RANBP2: variants seen among roughly 807,000 people sequenced by gnomAD.
The protein encoded by RANBP2 is E3 SUMO-protein ligase RanBP2.
In RANBP2, 57 loss-of-function variants were observed where a neutral mutation model predicts 303.6. The observed-to-expected ratio is 0.19, with a 90% CI of 0.15 to 0.23. The LOEUF (loss-of-function observed/expected upper bound fraction) is 0.23. Ranked by LOEUF, RANBP2 falls within the 10% of genes least tolerant of loss-of-function variation. The probability of loss-of-function intolerance (pLI) is 1.00; values close to 1 mark genes in which losing one functional copy is unlikely to be tolerated. For synonymous variants in RANBP2, 1,167 were observed against 1,301.5 expected, an observed-to-expected ratio of 0.90 and a Z score of 2.23; for missense variants, 3,138 against 3,780.8, an observed-to-expected ratio of 0.83 and a Z score of 4.46.
chr2:109,383,926 A>T, the RANBP2 span, among the ~76,000 whole-genome samples: 7 of 152,154 alleles, frequency 4.6e-5, no homozygotes, highest in African/African-American at 1.7e-4. Context: ...AGTGTCTGTT[A>T]GGTAGAAGGT....
chr2:109,189,199 C>A, the RANBP2 span, among the ~76,000 whole-genome samples: 1 of 151,726 alleles, frequency 6.6e-6, no homozygotes, highest in Non-Finnish European at 1.5e-5. Flanking sequence ...CTTCTGATAC[C>A]CCCGAGATAG....
the RANBP2 span, among the ~76,000 whole-genome samples, chr2:109,122,570 C>T: frequency 6.6e-6 from 1 of 152,170 alleles, no homozygotes; most frequent in Non-Finnish European, 1.5e-5. Flanking sequence ...CTAAAGCCCC[C>T]ATCAACACAG....
chr2:109,461,105 T>A, the RANBP2 span, among the ~76,000 whole-genome samples: 1 of 152,238 alleles, frequency 6.6e-6, no homozygotes, highest in Admixed American at 6.5e-5. Context: ...GGCCACTTCC[T>A]CATGTAACTT....
the RANBP2 span, among the ~76,000 whole-genome samples, chr2:109,280,813 C>A: frequency 6.6e-6 from 1 of 152,214 alleles, no homozygotes; most frequent in African/African-American, 2.4e-5. Context: ...TATTGAGCAC[C>A]TGCTGGATAA....
the RANBP2 span, among the ~76,000 whole-genome samples, chr2:109,250,707 A>C: frequency 2.6e-5 from 4 of 151,998 alleles, no homozygotes; most frequent in Admixed American, 2.0e-4. Context: ...ACCTAGAAGC[A>C]AACTACCATA....
the RANBP2 span, among the ~76,000 whole-genome samples, chr2:109,031,588 G>T: frequency 2.0e-5 from 3 of 152,176 alleles, no homozygotes; most frequent in Admixed American, 6.5e-5. Context: ...CCCCACGTGC[G>T]GCGAGGAGGG....
chr2:109,616,347 CAGAA>C, the RANBP2 span: 1 of 270,494 alleles, frequency 3.7e-6, no homozygotes, highest in Non-Finnish European at 7.2e-6. Context: ...ATTGGGGGAA[CAGAA>C]TGAATGAATT....
At chr2:109,271,623 C>G in the RANBP2 span, among the ~76,000 whole-genome samples, 1 of 152,158 alleles carries the variant, frequency 6.6e-6, no homozygotes, top group Non-Finnish European at 1.5e-5. Flanking sequence ...GGGGTGAGGC[C>G]CCGTGTGGTT....
chr2:108,847,484 A>C, the RANBP2 span, among the ~76,000 whole-genome samples: 2,412 of 152,322 alleles, frequency 0.016, 222 homozygotes, highest in Admixed American at 0.14. Context: ...TCCCAAAGAA[A>C]AAACTTGTTT....
chr2:109,004,926 T>C, the RANBP2 span, among the ~76,000 whole-genome samples: 1 of 152,206 alleles, frequency 6.6e-6, no homozygotes, highest in Admixed American at 6.5e-5. Flanking sequence ...TGGGAGAGTC[T>C]CTATTGTCCA....
chr2:109,684,226 G>A, the RANBP2 span, among the ~76,000 whole-genome samples: 189 of 121,342 alleles, frequency 1.6e-3, 3 homozygotes, highest in Non-Finnish European at 6.1e-4. Context: ...ACAGGCGTAA[G>A]CCACCACACC....
the RANBP2 span, among the ~76,000 whole-genome samples, chr2:108,932,549 AAAAG>A: frequency 2.0e-5 from 3 of 151,126 alleles, no homozygotes; most frequent in South Asian, 4.2e-4. Flanking sequence ...AAAAAAAAAA[AAAAG>A]AAAGAAATTA....
the RANBP2 span, among the ~76,000 whole-genome samples, chr2:108,924,117 C>T: frequency 6.6e-6 from 1 of 152,250 alleles, no homozygotes; most frequent in Non-Finnish European, 1.5e-5. Flanking sequence ...GCTGGGGCTG[C>T]ACACACAGTG....
At chr2:109,104,518 C>G in the RANBP2 span, among the ~76,000 whole-genome samples, 10 of 149,786 alleles carry the variant, frequency 6.7e-5, no homozygotes, top group African/African-American at 2.5e-4. Flanking sequence ...GAGTCTCGCT[C>G]TGTCGCCCAG....
the RANBP2 span, among the ~76,000 whole-genome samples, chr2:108,925,315 A>G: frequency 6.6e-6 from 1 of 152,218 alleles, no homozygotes; most frequent in Non-Finnish European, 1.5e-5. Flanking sequence ...AGAGGCCCCA[A>G]AAGGCCTCTC....
At chr2:109,164,521 G>T in the RANBP2 span, among the ~76,000 whole-genome samples, 2 of 152,160 alleles carry the variant, frequency 1.3e-5, no homozygotes, top group Non-Finnish European at 2.9e-5. Flanking sequence ...CTTCGGCCAA[G>T]CCTGGCTGTT....
At chr2:109,001,724 TTTTGTTTG>T in the RANBP2 span, among the ~76,000 whole-genome samples, 9 of 152,068 alleles carry the variant, frequency 5.9e-5, no homozygotes. Context: ...TTTTTTGTGT[TTTTGTTTG>T]TTTGTTTGTT....
At chr2:109,309,524 A>G in the RANBP2 span, among the ~76,000 whole-genome samples, 1 of 129,016 alleles carries the variant, frequency 7.8e-6, no homozygotes, top group Non-Finnish European at 1.6e-5. Context: ...ATGTAAATGG[A>G]CTAAATGCTC....
the RANBP2 span, among the ~76,000 whole-genome samples, chr2:108,949,859 A>G: frequency 6.6e-6 from 1 of 152,362 alleles, no homozygotes; most frequent in South Asian, 2.1e-4. Flanking sequence ...ATGTGACTGG[A>G]AAATAACCTC....
Sources: allele counts gnomAD v4.1 joint callset (sites outside exome capture counted in the v4.1 genomes callset), GRCh38; gene constraint gnomAD v4.1.1; transcripts MANE v1.5; gene names NCBI Gene and HGNC (gene_info 2026-07-23, HGNC 2026-07-21).